DPP4: variants seen among roughly 807,000 people sequenced by gnomAD.
DPP4 encodes ADCP-2.
A neutral mutation model predicts 122.4 loss-of-function variants in DPP4; 93 were observed. The observed-to-expected ratio is 0.76, with a 90% CI of 0.64 to 0.90. DPP4 has a LOEUF of 0.90. Ranked by LOEUF, DPP4 falls within the 40% of genes least tolerant of loss-of-function variation. The pLI, the probability that DPP4 is intolerant of heterozygous loss-of-function variation, is 0.00. For missense variants in DPP4, 914 were observed against 907.3 expected (o/e 1.01, Z -0.09); for synonymous variants, 321 against 302.9 (o/e 1.06, Z -0.62).
At chr2:162,029,184 C>G (rs192478950) in intron 10 of DPP4, among the ~76,000 whole-genome samples, 30 of 152,342 alleles carry the variant, frequency 2.0e-4, no homozygotes, top group Admixed American at 1.0e-3. Flanking sequence ...GCCTTGCAAA[C>G]AGTAAGCATT....
chr2:162,019,251 CT>C lies in DPP4; in HGVS notation c.1269del (p.Gly424GlufsTer19). The stretch of plus-strand genomic sequence containing the variant: ...TAAAGATTCCTTCCTCCTGGCATTC[CT>C]TTATATTCATTACTAATGTAGTATC... ...DYLYYISNEY[K>X]GMPGGRNLYK... On this transcript the variant is annotated frameshift_variant, in exon 15 of 26. Transcript: ENST00000360534. LOFTEE classifies it high-confidence loss of function. The C allele has an allele frequency of 6.3e-7, 1 of 1,589,756 alleles. No individual in the cohort carries two copies. The highest frequency in any genetic ancestry group is 1.4e-5 in the African/African-American group (1 of 74,040).
intron 5 of DPP4, among the ~76,000 whole-genome samples, chr2:162,040,061 C>CA (rs1326830585): frequency 6.6e-6 from 1 of 151,724 alleles, no homozygotes; most frequent in Non-Finnish European, 1.5e-5. Context: ...TAGAGAAAAG[C>CA]AAAAAATTTC....
Position 162,020,578 on chromosome 2 carries a change from C to A in DPP4, c.1176+3G>T. On this transcript the variant is annotated splice_donor_region_variant and intron_variant, in intron 13 of 25. Transcript: ENST00000360534. ...ATGAAATAAAATATGTAAGAATACT[C>A]ACTTTTTTATCTATTTGGAAATAGC... The A allele has an allele frequency of 2.5e-6, 4 of 1,582,334 alleles. No homozygotes were observed. The highest frequency in any genetic ancestry group is 3.4e-6 in the Non-Finnish European group (4 of 1,166,396).
chr2:162,040,521 G>A (rs1683946591), intron 5 of DPP4, among the ~76,000 whole-genome samples: 1 of 152,048 alleles, frequency 6.6e-6, no homozygotes, highest in Admixed American at 6.6e-5. Context: ...ACTATGGAGA[G>A]AGTAAAGAGA....
At chr2:162,053,906 G>C (rs535179639) in intron 2 of DPP4, among the ~76,000 whole-genome samples, 13 of 152,146 alleles carry the variant, frequency 8.5e-5, no homozygotes, top group Non-Finnish European at 1.5e-4. Context: ...GCGGGGCAAG[G>C]CTACCCTTGA....
intron 18 of DPP4, 36 bp downstream of exon 18, chr2:162,016,732 C>T: frequency 6.8e-7 from 1 of 1,464,862 alleles, no homozygotes; most frequent in Non-Finnish European, 9.4e-7. Context: ...ATTGGTGTTT[C>T]CATGAAAAGT....
At chr2:162,066,942 C>A (rs909016587) in intron 2 of DPP4, among the ~76,000 whole-genome samples, 2 of 70,982 alleles carry the variant, frequency 2.8e-5, no homozygotes, top group Non-Finnish European at 6.3e-5. Flanking sequence ...TTCCATTAGG[C>A]CTCACCTCCA....
At chr2:162,012,028 G>A (rs1469588163) in intron 19 of DPP4, 41 bp from the exon 20 acceptor site, 3 of 1,582,494 alleles carry the variant, frequency 1.9e-6, no homozygotes, top group African/African-American at 2.7e-5. Context: ...TGGTTTTCTG[G>A]AATCAAATGA....
At chr2:162,056,596 G>A (rs556348166) in intron 2 of DPP4, among the ~76,000 whole-genome samples, 59 of 152,194 alleles carry the variant, frequency 3.9e-4, no homozygotes, top group Non-Finnish European at 4.1e-4. Flanking sequence ...CTCATTACTG[G>A]GTGCAGGCCA....
At chr2:162,050,336 A>G (rs982668006) in intron 2 of DPP4, among the ~76,000 whole-genome samples, 1 of 152,246 alleles carries the variant, frequency 6.6e-6, no homozygotes, top group Non-Finnish European at 1.5e-5. Context: ...GTAATTTGAA[A>G]TATAGATGGT....
chr2:162,006,126 A>G (rs186674291), intron 22 of DPP4, among the ~76,000 whole-genome samples: 23 of 152,224 alleles, frequency 1.5e-4, no homozygotes, highest in Admixed American at 5.2e-4. Context: ...AGATCAAACC[A>G]GATTATCTAA....
chr2:162,051,280 CA>C (rs1007878424), intron 2 of DPP4, among the ~76,000 whole-genome samples: 1 of 152,052 alleles, frequency 6.6e-6, no homozygotes, highest in African/African-American at 2.4e-5. Flanking sequence ...ACAATAATTC[CA>C]GAATGATAAA....
chr2:162,010,812 G>T (rs1682675758), intron 20 of DPP4, among the ~76,000 whole-genome samples: 1 of 152,012 alleles, frequency 6.6e-6, no homozygotes, highest in Admixed American at 6.6e-5. Context: ...TTAATCAATT[G>T]TCATCTTCTC....
At chr2:162,004,605 A>G (rs200145481) in intron 23 of DPP4, among the ~76,000 whole-genome samples, 4 of 134,130 alleles carry the variant, frequency 3.0e-5, no homozygotes, top group South Asian at 2.3e-4. Flanking sequence ...ACACACACGC[A>G]CACACACACA....
chr2:162,025,221 T>G (rs565904018), intron 10 of DPP4, among the ~76,000 whole-genome samples: 2 of 152,254 alleles, frequency 1.3e-5, no homozygotes, highest in African/African-American at 2.4e-5. Context: ...AGCTCAGGAT[T>G]TATCAAGTCT....
At chr2:162,000,079 A>G (rs1484622820) in intron 23 of DPP4, among the ~76,000 whole-genome samples, 1 of 152,088 alleles carries the variant, frequency 6.6e-6, no homozygotes, top group African/African-American at 2.4e-5. Flanking sequence ...TCACAACCAA[A>G]CAACTCATCC....
chr2:161,997,951 A>G (rs1701047928), intron 23 of DPP4, among the ~76,000 whole-genome samples: 1 of 152,174 alleles, frequency 6.6e-6, no homozygotes, highest in Non-Finnish European at 1.5e-5. Flanking sequence ...TTATGATGTG[A>G]TCTTCTGGCA....
intron 2 of DPP4, among the ~76,000 whole-genome samples, chr2:162,062,432 A>AT (rs1336305298): frequency 6.6e-6 from 1 of 152,218 alleles, no homozygotes; most frequent in African/African-American, 2.4e-5. Flanking sequence ...AGTCCAGCCC[A>AT]TTTTGCTGAG....
chr2:162,001,084 C>G (rs1482717652), intron 23 of DPP4, among the ~76,000 whole-genome samples: 1 of 152,206 alleles, frequency 6.6e-6, no homozygotes, highest in Non-Finnish European at 1.5e-5. Context: ...CTTCCGAAAT[C>G]TTTCTCTAAT....
Sources: allele counts gnomAD v4.1 joint callset (sites outside exome capture counted in the v4.1 genomes callset), GRCh38; gene constraint gnomAD v4.1.1; transcripts MANE v1.5; gene names NCBI Gene and HGNC (gene_info 2026-07-23, HGNC 2026-07-21).